NDUFAF2: variants seen among roughly 807,000 people sequenced by gnomAD.
NDUFAF2 encodes NADH dehydrogenase [ubiquinone] 1 alpha subcomplex assembly factor 2.
Under a neutral mutation model 22.8 loss-of-function variants are expected in NDUFAF2, and 13 were observed. That is an observed-to-expected ratio of 0.57 (90% confidence interval 0.37 to 0.91). NDUFAF2 has a LOEUF of 0.91. Among genes scored for constraint, NDUFAF2 ranks in the 40% least tolerant of loss-of-function variants. The pLI is 0.01. For synonymous variants in NDUFAF2, 53 were observed against 64.2 expected (o/e 0.83, Z 0.84); for missense variants, 162 against 195.2 (o/e 0.83, Z 1.01).
chr5:61,138,692 A>C (rs1457932726), intron 3 of NDUFAF2, among the ~76,000 whole-genome samples: 1 of 152,222 alleles, frequency 6.6e-6, no homozygotes, highest in East Asian at 1.9e-4. Context: ...AAACAAGGCA[A>C]ACCTTCTAGG....
chr5:60,965,627 T>G (rs923141850), intron 1 of NDUFAF2, among the ~76,000 whole-genome samples: 11 of 152,176 alleles, frequency 7.2e-5, no homozygotes, highest in African/African-American at 2.7e-4. Context: ...ATATTTGTCT[T>G]TTTGTGCCTG....
rs865816494 is a variant in NDUFAF2 at position 61,073,025 on chromosome 5, C to T, written c.128-100C>T. On this transcript the variant is annotated intron_variant, in intron 1 of 3. Coordinates refer to ENST00000296597, the MANE Select transcript of NDUFAF2 (RefSeq NM_174889.5). ...TTCTCGTTTTCCTGTTAATTTAATT[C>T]TTTTACTATATAAGGGGTTATGCAA... 3.4e-5 allele frequency: 26 copies of T among 753,826 alleles called. No homozygotes were observed. The Middle Eastern group carries it at 1.9e-3, about 56-fold the overall frequency. The allele number at this position is 753,826 out of a possible 1,614,324, so 46.7% of individuals were successfully genotyped here.
chr5:61,061,678 A>G (rs1434726573), intron 1 of NDUFAF2, among the ~76,000 whole-genome samples: 1 of 152,170 alleles, frequency 6.6e-6, no homozygotes, highest in Non-Finnish European at 1.5e-5. Flanking sequence ...CCCAGGTGCT[A>G]TAGTGGTTTT....
chr5:61,036,694 G>C (rs1751804625), intron 1 of NDUFAF2, among the ~76,000 whole-genome samples: 1 of 152,208 alleles, frequency 6.6e-6, no homozygotes, highest in Non-Finnish European at 1.5e-5. Context: ...ACCATTTCCA[G>C]TGCTGAAACA....
At chr5:61,139,129 C>A (rs1164842047) in intron 3 of NDUFAF2, among the ~76,000 whole-genome samples, 1 of 152,182 alleles carries the variant, frequency 6.6e-6, no homozygotes, top group African/African-American at 2.4e-5. Context: ...ATTTAATACA[C>A]CTAACTTACC....
chr5:61,048,717 G>T (rs963630025), intron 1 of NDUFAF2, among the ~76,000 whole-genome samples: 4 of 152,004 alleles, frequency 2.6e-5, no homozygotes, highest in African/African-American at 9.7e-5. Context: ...AACCTTTGTG[G>T]TTTTTTTCTT....
intron 1 of NDUFAF2, among the ~76,000 whole-genome samples, chr5:61,009,975 A>G (rs904666132): frequency 1.4e-4 from 22 of 152,156 alleles, no homozygotes; most frequent in African/African-American, 5.3e-4. Flanking sequence ...CAGAAACCTG[A>G]GAGTCAGACT....
chr5:60,998,462 G>A (rs1280272900), intron 1 of NDUFAF2, among the ~76,000 whole-genome samples: 1 of 152,082 alleles, frequency 6.6e-6, no homozygotes, highest in Non-Finnish European at 1.5e-5. Context: ...AAATTAATAT[G>A]TGGAGTAGGC....
At chr5:60,973,007 T>C (rs1170510200) in intron 1 of NDUFAF2, among the ~76,000 whole-genome samples, 1 of 152,070 alleles carries the variant, frequency 6.6e-6, no homozygotes, top group Non-Finnish European at 1.5e-5. Context: ...TTCTTTCTCC[T>C]TTTAACTTTG....
intron 1 of NDUFAF2, among the ~76,000 whole-genome samples, chr5:60,960,329 G>A (rs191147411): frequency 9.9e-5 from 15 of 152,196 alleles, no homozygotes; most frequent in Admixed American, 5.9e-4. Context: ...GTTGTGACTC[G>A]CTGTATTTGT....
At position 61,129,184 on chromosome 5, in the gene NDUFAF2, C is replaced by T. The variant is rs374610240; in HGVS notation, c.259-23520C>T. ...GATGTGGAGAAATAGAACAGTTTTACACTGTTGGTGGGACTGTAAACTAGT... is the reference window on the plus strand; with the variant it reads ...GATGTGGAGAAATAGAACAGTTTTATACTGTTGGTGGGACTGTAAACTAGT... On this transcript the variant is annotated intron_variant, in intron 3 of 3. Transcript: ENST00000296597. 7.2e-5 allele frequency among the ~76,000 whole-genome samples: 11 copies of T among 152,262 alleles called. No individual in the cohort carries two copies. The East Asian group carries it at 2.1e-3, about 29-fold the overall frequency.
At chr5:61,003,642 A>G (rs1025868800) in intron 1 of NDUFAF2, among the ~76,000 whole-genome samples, 1 of 136,762 alleles carries the variant, frequency 7.3e-6, no homozygotes, top group African/African-American at 2.7e-5. Flanking sequence ...AAAAAAATCT[A>G]TACTTTTTTT....
At chr5:60,999,545 G>A (rs1346388905) in intron 1 of NDUFAF2, among the ~76,000 whole-genome samples, 4 of 152,030 alleles carry the variant, frequency 2.6e-5, no homozygotes. Flanking sequence ...GAAGCAAATT[G>A]CCAGGGTTAG....
chr5:61,044,144 T>C (rs1402272550), intron 1 of NDUFAF2, among the ~76,000 whole-genome samples: 1 of 152,220 alleles, frequency 6.6e-6, no homozygotes, highest in Non-Finnish European at 1.5e-5. Context: ...TGGCCGTTTA[T>C]AAGTTTCCTT....
In NDUFAF2 at chr5:61,037,778, A is replaced by G. The variant is rs924009908; in HGVS notation, c.128-35347A>G. Reference sequence around the variant, plus strand: ...AAAACATATCTTTGGAAATGGTTCTATAAATAATGGGAAGCCTTTGAATAG... The same window carrying G: ...AAAACATATCTTTGGAAATGGTTCTGTAAATAATGGGAAGCCTTTGAATAG... On this transcript the variant is annotated intron_variant, in intron 1 of 3. Transcript: ENST00000296597. Among the ~76,000 whole-genome samples the G allele has an allele frequency of 2.0e-4, 30 of 152,130 alleles. 1 individual carries two copies. The highest frequency in any genetic ancestry group is 2.6e-4 in the Non-Finnish European group (18 of 68,020).
intron 3 of NDUFAF2, among the ~76,000 whole-genome samples, chr5:61,099,794 A>C (rs1299469608): frequency 6.6e-6 from 1 of 152,046 alleles, no homozygotes; most frequent in Non-Finnish European, 1.5e-5. Context: ...TTCTTCTACT[A>C]TTTAGGACTT....
At chr5:61,132,116 C>T (rs1753119584) in intron 3 of NDUFAF2, among the ~76,000 whole-genome samples, 1 of 152,144 alleles carries the variant, frequency 6.6e-6, no homozygotes, top group Non-Finnish European at 1.5e-5. Flanking sequence ...AGCCAGTCAC[C>T]TATTTACTTA....
At chr5:61,090,337 T>C (rs1262317177) in intron 2 of NDUFAF2, among the ~76,000 whole-genome samples, 1 of 152,060 alleles carries the variant, frequency 6.6e-6, no homozygotes, top group Non-Finnish European at 1.5e-5. Flanking sequence ...CCACAAATAA[T>C]ATGTAAACAA....
At chr5:61,056,902 AAAAAAAAAAAAAAAAAAATATATATAT>A (rs1752099891) in intron 1 of NDUFAF2, among the ~76,000 whole-genome samples, 1 of 35,656 alleles carries the variant, frequency 2.8e-5, no homozygotes, top group Non-Finnish European at 5.0e-5. Context: ...AAAAAAAAAA[AAAAAAAAAAAAAAAAAAATATATATAT>A]ATATATATAT....
Sources: allele counts gnomAD v4.1 joint callset (sites outside exome capture counted in the v4.1 genomes callset), GRCh38; gene constraint gnomAD v4.1.1; transcripts MANE v1.5; gene names NCBI Gene and HGNC (gene_info 2026-07-23, HGNC 2026-07-21).